The following EML6 variants were observed in gnomAD, a reference collection of about 807,000 sequenced individuals.
EML6 encodes echinoderm microtubule-associated protein-like 6.
EML6 carries 154 observed loss-of-function variants against 240.1 expected under a neutral mutation model. The ratio of observed to expected loss-of-function variants is 0.64; its 90% CI spans 0.56 to 0.73. The LOEUF (loss-of-function observed/expected upper bound fraction) is 0.73, where lower values mean the gene tolerates loss of function less well. Ranked by LOEUF, EML6 falls within the 30% of genes least tolerant of loss-of-function variation. The pLI is 0.00. For missense variants in EML6, 2,964 were observed against 2,474.6 expected (o/e 1.20, Z -4.20); for synonymous variants, 1,148 against 899.0 (o/e 1.28, Z -4.95).
Position 54,774,591 on chromosome 2 carries a change from A to G in EML6, c.198-38641A>G, listed in dbSNP as rs2103819279. On this transcript the variant is annotated intron_variant, in intron 2 of 41. Transcript: ENST00000356458. This position sits in a 1 kb window ranked among gnomAD's most constrained non-coding sequence, Gnocchi z 4.1. ...ATCATAGGGTGGTTGTAAGGATCAA[A>G]TAAAATAAAACATAGAGGTCCTTTT... Among the ~76,000 whole-genome samples, 1 of 152,370 alleles carries G rather than the reference A, an allele frequency of 6.6e-6. No individual in the cohort carries two copies. Among genetic ancestry groups the G allele is most frequent in the Non-Finnish European group, 1.5e-5 (1 of 68,028 alleles).
At chr2:54,862,792 C>T (rs1464820101) in intron 12 of EML6, among the ~76,000 whole-genome samples, 1 of 152,168 alleles carries the variant, frequency 6.6e-6, no homozygotes, top group Non-Finnish European at 1.5e-5. Context: ...CATAAGGAAA[C>T]CTCTATAAAA....
chr2:54,827,809 A>C (rs1043709301), intron 6 of EML6, 58 bp downstream of exon 6: 2 of 1,214,078 alleles, frequency 1.6e-6, no homozygotes, highest in Non-Finnish European at 2.4e-6. Context: ...AAGACCACGA[A>C]TCCCTCCCTG....
rs1270844805 is a variant in EML6, at chr2:54,892,466, C to A, written c.2552C>A (p.Thr851Asn). The change falls in exon 19 of 42, where the codon ACT becomes AAT. Residue 851 changes from threonine to asparagine, a missense_variant. By Grantham distance (65) the Thr-to-Asn change is moderately conservative. Transcript: ENST00000356458. Reference protein sequence around the residue: ...KFWQQAGGGFTSKRGTFGSVG... With the variant: ...KFWQQAGGGFNSKRGTFGSVG... ...TGGTCCACTCTAGGTGGGGGCTTCA[C>A]TTCTAAAAGAGGAACTTTTGGAAGC... 2 of 1,550,990 alleles carry A rather than the reference C, an allele frequency of 1.3e-6. No homozygotes were observed. The highest frequency in any genetic ancestry group is 2.0e-5 in the Admixed American group (1 of 50,960).
At chr2:54,863,925 C>T in intron 13 of EML6, 36 bp downstream of exon 13, 1 of 1,130,142 alleles carries the variant, frequency 8.8e-7, no homozygotes, top group East Asian at 2.6e-5. Flanking sequence ...TTTGTAACCC[C>T]AGAAGGGGAT....
Position 54,964,662 on chromosome 2 carries a change from A to T in EML6, c.5422A>T (p.Ile1808Phe). 6.4e-7 allele frequency: 1 copy of T among 1,552,356 alleles called. No individual in the cohort carries two copies. The change falls in exon 38 of 42, where the codon ATT (isoleucine) becomes TTT (phenylalanine). Residue 1808 changes from isoleucine to phenylalanine, a missense_variant. Ile to Phe is a conservative substitution (Grantham distance 21). Transcript: ENST00000356458. ...DLTQGTNLNR[I>F]GYCKDIPSFV... ...CACTCAGGGCACAAATCTGAACCGCATTGGCTACTGCAAAGATATCCCAAG... is the reference window on the plus strand; with the variant it reads ...CACTCAGGGCACAAATCTGAACCGCTTTGGCTACTGCAAAGATATCCCAAG...
intron 18 of EML6, among the ~76,000 whole-genome samples, chr2:54,891,658 C>G (rs1214183160): frequency 2.0e-5 from 3 of 152,202 alleles, no homozygotes; most frequent in Admixed American, 1.3e-4. Context: ...ATTCTTCTCA[C>G]TAATAAGTCA....
At chr2:54,962,832 C>G (rs1007623329) in intron 36 of EML6, 121 bp downstream of exon 36, 3 of 708,584 alleles carry the variant, frequency 4.2e-6, no homozygotes, top group Non-Finnish European at 6.3e-6. Flanking sequence ...GGTAGGAGAT[C>G]GAGTTAGAAA....
chr2:54,802,845 C>T (rs769986086), intron 2 of EML6, among the ~76,000 whole-genome samples: 60 of 152,120 alleles, frequency 3.9e-4, no homozygotes, highest in Non-Finnish European at 8.1e-4. Context: ...AGTAGAGAGA[C>T]ACACTCTTAC....
rs10689357 is a variant in EML6, at chr2:54,865,321, C to CAAAAA, written c.1933-1434_1933-1430dup. 1.4e-5 allele frequency among the ~76,000 whole-genome samples: 2 copies of CAAAAA among 138,724 alleles called. 1 individual carries two copies. Among genetic ancestry groups the CAAAAA allele is most frequent in the Non-Finnish European group, 3.1e-5 (2 of 64,544 alleles). 91.0% of individuals were successfully genotyped at this position (138,724 alleles called of 152,430 possible). A position where few individuals can be genotyped will look rare whatever the true frequency, so the allele number is the denominator to read the frequency against. ...CTAGTTAACACAGTCTCTGTATCTA[C>CAAAAA]AAAAAAAAAAAAAAACTGCTGGGCA... On this transcript the variant is annotated intron_variant, in intron 13 of 41. Transcript: ENST00000356458.
intron 2 of EML6, among the ~76,000 whole-genome samples, chr2:54,806,602 A>T (rs960926933): frequency 8.6e-6 from 1 of 116,426 alleles, no homozygotes; most frequent in East Asian, 2.7e-4. Flanking sequence ...AACAAGAGTG[A>T]CTCCGTCTCC....
rs13394146 is a variant in EML6, at chr2:54,948,975, C to T, written c.4083+15C>T. ...AACTGGTTGAGGTGAGTTAAACAAT[C>T]ACTTGTAGTCTGATATTGACGTTCT... On this transcript the variant is annotated intron_variant, in intron 29 of 41. Transcript: ENST00000356458. 605,741 of 1,522,906 alleles carry T rather than the reference C, an allele frequency of 0.4. 122,682 individuals carry two copies. Among genetic ancestry groups the T allele is most frequent in the African/African-American group, 0.46 (33,600 of 72,470 alleles). The allele number at this position is 1,522,906 out of a possible 1,614,324, so 94.3% of individuals were successfully genotyped here.
chr2:54,964,059 C>A lies in EML6; in HGVS notation c.5231C>A (p.Ala1744Asp), dbSNP rs1386910838. 2 of 1,551,718 alleles carry A rather than the reference C, an allele frequency of 1.3e-6. No individual in the cohort carries two copies. Among genetic ancestry groups the A allele is most frequent in the Non-Finnish European group, 1.7e-6 (2 of 1,147,002 alleles). ...AAYSPDGEMV[A>D]IGMKNGEFVI... is the part of the protein sequence containing the mutation. ...TACAGCCCTGATGGGGAGATGGTGG[C>A]CATTGGCATGAAGAATGGAGAGTTT... The change falls in exon 37 of 42, where the codon GCC (alanine) becomes GAC (aspartate). Residue 1744 changes from alanine to aspartate, a missense_variant. Coordinates refer to ENST00000356458, the MANE Select transcript of EML6 (RefSeq NM_001039753.4).
intron 2 of EML6, among the ~76,000 whole-genome samples, chr2:54,789,289 G>A (rs984515529): frequency 3.3e-5 from 5 of 151,864 alleles, no homozygotes; most frequent in African/African-American, 9.7e-5. Flanking sequence ...CAAGGCGGGC[G>A]GATCACGAGG....
intron 8 of EML6, among the ~76,000 whole-genome samples, chr2:54,846,723 A>G (rs6746118): frequency 0.43 from 65,269 of 151,444 alleles, 14,218 homozygotes; most frequent in Middle Eastern, 0.51. Context: ...GGCTCAAGCA[A>G]TCTTCCTGCC....
At chr2:54,780,251 ATTAG>A (rs1310850806) in intron 2 of EML6, among the ~76,000 whole-genome samples, 6 of 152,252 alleles carry the variant, frequency 3.9e-5, no homozygotes, top group South Asian at 2.1e-4. Context: ...GAAATGAATA[ATTAG>A]TTAGATATGA....
intron 28 of EML6, among the ~76,000 whole-genome samples, chr2:54,942,147 A>G (rs1162800474): frequency 6.6e-6 from 1 of 152,224 alleles, no homozygotes; most frequent in Non-Finnish European, 1.5e-5. Context: ...TAGGCATTAA[A>G]CCTGCTGTTC....
At position 54,847,755 on chromosome 2, in the gene EML6, AC is replaced by A; in HGVS notation, c.1187+133del. ...ATTCAAATAGGAATACTATAGATCT[AC>A]GATCCCCTATCTGTAATTCTGAAGT... is the stretch of plus-strand genomic sequence containing the variant. On this transcript the variant is annotated intron_variant, in intron 9 of 41. Transcript: ENST00000356458. 1.9e-5 allele frequency: 15 copies of A among 791,084 alleles called. 1 individual carries two copies. Among genetic ancestry groups the A allele is most frequent in the South Asian group, 8.4e-5 (3 of 35,692 alleles). The allele number at this position is 791,084 out of a possible 1,614,324, so 49.0% of individuals were successfully genotyped here. A position where few individuals can be genotyped will look rare whatever the true frequency, so the allele number is the denominator to read the frequency against.
chr2:54,874,095 A>G (rs999642161), intron 16 of EML6, among the ~76,000 whole-genome samples: 14 of 152,212 alleles, frequency 9.2e-5, no homozygotes, highest in South Asian at 6.2e-4. Flanking sequence ...TTTGAAATCG[A>G]AATAATTAGC....
intron 35 of EML6, among the ~76,000 whole-genome samples, chr2:54,962,005 AAAAAC>A (rs963766271): frequency 1.4e-4 from 21 of 151,566 alleles, no homozygotes; most frequent in African/African-American, 4.6e-4. Flanking sequence ...CCCTGCCTCA[AAAAAC>A]AAACAAAAAC....
Sources: gnomAD v4.1 joint callset for allele counts (sites outside exome capture counted in the v4.1 genomes callset) on GRCh38, gnomAD v4.1.1 for gene constraint, Gnocchi (gnomAD v3.1) non-coding constraint, MANE v1.5 for transcripts, NCBI Gene and HGNC (gene_info 2026-07-23, HGNC 2026-07-21) for gene names.